Variants in INPP4B observed in about 807,000 individuals in gnomAD.
INPP4B encodes the protein inositol polyphosphate 4-phosphatase type II.
Under a neutral mutation model 122.5 loss-of-function variants are expected in INPP4B, and 55 were observed. That is an observed-to-expected ratio of 0.45 (90% CI 0.36 to 0.56). INPP4B has a LOEUF of 0.56. INPP4B is among the 20% of genes least tolerant of loss of function. The probability of loss-of-function intolerance (pLI) is 0.00; values close to 1 mark genes in which losing one functional copy is unlikely to be tolerated. For synonymous variants in INPP4B, 403 were observed against 388.7 expected, an observed-to-expected ratio of 1.04 and a Z score of -0.43; for missense variants, 1,000 against 1,097.7, an observed-to-expected ratio of 0.91 and a Z score of 1.26.
intron 1 of INPP4B, among the ~76,000 whole-genome samples, chr4:142,837,159 AAAT>A (rs150797757): frequency 2.3e-4 from 35 of 149,040 alleles, no homozygotes; most frequent in South Asian, 8.4e-4. Flanking sequence ...ACAGTCTCAA[AAAT>A]AATAATAATA....
At chr4:142,390,799 T>G (rs1017122132) in intron 7 of INPP4B, among the ~76,000 whole-genome samples, 1 of 151,792 alleles carries the variant, frequency 6.6e-6, no homozygotes, top group African/African-American at 2.4e-5. Flanking sequence ...AATTGTGTCT[T>G]TAACTACGAC....
intron 11 of INPP4B, among the ~76,000 whole-genome samples, chr4:142,257,986 T>C (rs1008858262): frequency 2.6e-5 from 4 of 152,264 alleles, no homozygotes; most frequent in Admixed American, 2.6e-4. Context: ...AACAGCATGG[T>C]ACTGGTACCA....
At chr4:142,210,714 T>A (rs9990924) in intron 12 of INPP4B, among the ~76,000 whole-genome samples, 1 of 152,166 alleles carries the variant, frequency 6.6e-6, no homozygotes, top group African/African-American at 2.4e-5. Flanking sequence ...ACAGTTATAA[T>A]GAAAATATTA....
intron 1 of INPP4B, among the ~76,000 whole-genome samples, chr4:142,809,194 C>G (rs953748450): frequency 6.6e-6 from 1 of 151,934 alleles, no homozygotes; most frequent in African/African-American, 2.4e-5. Flanking sequence ...GATGTAAAAC[C>G]TATAAGATTC....
chr4:142,650,155 C>A (rs1329018075), intron 2 of INPP4B, among the ~76,000 whole-genome samples: 1 of 152,190 alleles, frequency 6.6e-6, no homozygotes, highest in African/African-American at 2.4e-5. Context: ...CCTTTACAGA[C>A]AAGCAAATGC....
At chr4:142,666,643 G>GTGTGTGTGTGCACA (rs1179989930) in intron 2 of INPP4B, among the ~76,000 whole-genome samples, 2 of 152,018 alleles carry the variant, frequency 1.3e-5, no homozygotes. Flanking sequence ...CCTTCTCTGT[G>GTGTGTGTGTGCACA]TGTGTGTGTG....
chr4:142,463,337 C>CA, intron 2 of INPP4B, among the ~76,000 whole-genome samples: 1 of 152,250 alleles, frequency 6.6e-6, no homozygotes. Flanking sequence ...ATGTGAGTGA[C>CA]ATCTAATAGA....
At chr4:142,180,748 T>C (rs1181389262) in intron 15 of INPP4B, among the ~76,000 whole-genome samples, 1 of 152,212 alleles carries the variant, frequency 6.6e-6, no homozygotes, top group Admixed American at 6.5e-5. Flanking sequence ...CAACCCATTT[T>C]AAATTTGGAA....
chr4:142,052,063 A>C (rs961534931), intron 25 of INPP4B, among the ~76,000 whole-genome samples: 2 of 152,022 alleles, frequency 1.3e-5, no homozygotes, highest in African/African-American at 4.8e-5. Context: ...TTAGACTGAA[A>C]TAAAATGTTC....
At chr4:142,262,379 C>T (rs1385075105) in intron 10 of INPP4B, among the ~76,000 whole-genome samples, 2 of 152,086 alleles carry the variant, frequency 1.3e-5, no homozygotes, top group Non-Finnish European at 2.9e-5. Flanking sequence ...ACCTTGGGGC[C>T]TTTGCTCTTG....
intron 2 of INPP4B, among the ~76,000 whole-genome samples, chr4:142,621,619 G>A (rs17016514): frequency 0.12 from 18,077 of 151,886 alleles, 1,184 homozygotes; most frequent in South Asian, 0.16. Flanking sequence ...CACTCTGAGA[G>A]ATTTGACAAG....
chr4:142,283,061 A>G (rs780342422), intron 9 of INPP4B, among the ~76,000 whole-genome samples: 10 of 152,126 alleles, frequency 6.6e-5, no homozygotes, highest in African/African-American at 1.2e-4. Context: ...GGGGGCAGAG[A>G]GGATCATGAA....
At chr4:142,539,848 T>A (rs991003465) in intron 2 of INPP4B, among the ~76,000 whole-genome samples, 4 of 152,082 alleles carry the variant, frequency 2.6e-5, no homozygotes, top group African/African-American at 9.6e-5. Flanking sequence ...GTACTTTAGA[T>A]GACTTTTAGA....
At chr4:142,227,856 T>TAAAAAAA (rs60375355) in intron 12 of INPP4B, among the ~76,000 whole-genome samples, 4 of 34,222 alleles carry the variant, frequency 1.2e-4, no homozygotes, top group East Asian at 9.5e-4. Flanking sequence ...AGACTCTATC[T>TAAAAAAA]AAAAAAAAAA....
chr4:142,375,276 T>C (rs1791427327), intron 7 of INPP4B, among the ~76,000 whole-genome samples: 1 of 150,958 alleles, frequency 6.6e-6, no homozygotes, highest in Non-Finnish European at 1.5e-5. Flanking sequence ...CTTGCTTCCC[T>C]CCCCCACCCT....
At chr4:142,344,984 T>C (rs905913238) in intron 7 of INPP4B, among the ~76,000 whole-genome samples, 6 of 152,014 alleles carry the variant, frequency 3.9e-5, no homozygotes, top group Non-Finnish European at 8.8e-5. Flanking sequence ...AAATAATACA[T>C]TGTTCTCTTG....
chr4:142,305,436 T>C, intron 9 of INPP4B, 22 bp downstream of exon 9: 2 of 1,561,794 alleles, frequency 1.3e-6, no homozygotes, highest in Non-Finnish European at 1.8e-6. Flanking sequence ...TTAACAGTAT[T>C]TCTACAAACA....
At chr4:142,610,406 C>T (rs1176303441) in intron 2 of INPP4B, among the ~76,000 whole-genome samples, 1 of 151,966 alleles carries the variant, frequency 6.6e-6, no homozygotes, top group African/African-American at 2.4e-5. Context: ...TTAATTTAAC[C>T]TCAAATAGCC....
At chr4:142,053,675 C>G (rs962939333) in intron 25 of INPP4B, among the ~76,000 whole-genome samples, 34 of 151,990 alleles carry the variant, frequency 2.2e-4, no homozygotes, top group African/African-American at 8.2e-4. Flanking sequence ...AATTTTTCTC[C>G]AAGAAACCAT....
Sources: gnomAD v4.1 joint callset for allele counts (sites outside exome capture counted in the v4.1 genomes callset) on GRCh38, gnomAD v4.1.1 for gene constraint, MANE v1.5 for transcripts, NCBI Gene and HGNC (gene_info 2026-07-23, HGNC 2026-07-21) for gene names.